ARHGEF7: variants seen among roughly 807,000 people sequenced by gnomAD.
ARHGEF7 encodes Rho guanine nucleotide exchange factor 7, also known as PAK-interacting exchange factor beta.
In ARHGEF7, 33 loss-of-function variants were observed where a neutral mutation model predicts 109.8. That is an observed-to-expected ratio of 0.30 (90% CI 0.23 to 0.40). ARHGEF7 has a LOEUF of 0.40. Among genes scored for constraint, ARHGEF7 ranks in the 10% least tolerant of loss-of-function variants. The pLI, the probability that ARHGEF7 is intolerant of heterozygous loss-of-function variation, is 1.00. For missense variants in ARHGEF7, 938 were observed against 1,098.5 expected (o/e 0.85, Z 2.07); for synonymous variants, 458 against 424.6 (o/e 1.08, Z -0.97).
At chr13:111,284,008 G>A (rs1310474558) in intron 16 of ARHGEF7, among the ~76,000 whole-genome samples, 3 of 152,184 alleles carry the variant, frequency 2.0e-5, no homozygotes, top group African/African-American at 7.2e-5. Flanking sequence ...CTTGGATGAG[G>A]AAAGGAAGTG....
intron 8 of ARHGEF7, among the ~76,000 whole-genome samples, chr13:111,262,508 T>TGCTG (rs1237403839): frequency 1.3e-5 from 2 of 152,200 alleles, no homozygotes; most frequent in African/African-American, 2.4e-5. Flanking sequence ...CACGACAGGC[T>TGCTG]GCTGGGTTCC....
intron 2 of ARHGEF7, among the ~76,000 whole-genome samples, chr13:111,189,707 C>G (rs1229801832): frequency 1.3e-5 from 2 of 152,196 alleles, no homozygotes; most frequent in African/African-American, 4.8e-5. Context: ...CTGATTGGTC[C>G]ATTTTACAGA....
At chr13:111,242,274 A>G (rs375144485) in intron 6 of ARHGEF7, among the ~76,000 whole-genome samples, 1 of 152,166 alleles carries the variant, frequency 6.6e-6, no homozygotes, top group South Asian at 2.1e-4. Flanking sequence ...TTTACTCAGG[A>G]ATGACTGTAT....
intron 2 of ARHGEF7, among the ~76,000 whole-genome samples, chr13:111,200,983 G>T (rs538178181): frequency 3.9e-5 from 6 of 152,234 alleles, no homozygotes; most frequent in African/African-American, 1.4e-4. Context: ...TGGCTCGGGG[G>T]GGATTTCCCT....
At chr13:111,124,921 G>A (rs1032441569) in intron 1 of ARHGEF7, among the ~76,000 whole-genome samples, 5 of 152,064 alleles carry the variant, frequency 3.3e-5, no homozygotes, top group Non-Finnish European at 7.4e-5. Context: ...CACCATGCCC[G>A]GCTAATTTTT....
At chr13:111,225,084 C>G (rs1283219339) in intron 5 of ARHGEF7, among the ~76,000 whole-genome samples, 1 of 152,000 alleles carries the variant, frequency 6.6e-6, no homozygotes, top group Admixed American at 6.6e-5. Context: ...GAATATTTTC[C>G]TAGATTGGTA....
At chr13:111,213,030 C>T (rs2082683927) in intron 4 of ARHGEF7, among the ~76,000 whole-genome samples, 1 of 152,182 alleles carries the variant, frequency 6.6e-6, no homozygotes, top group Admixed American at 6.5e-5. Flanking sequence ...AGCATTTCTC[C>T]TTCTGTAAAG....
intron 8 of ARHGEF7, among the ~76,000 whole-genome samples, chr13:111,264,004 G>A (rs2082269928): frequency 6.6e-6 from 1 of 152,172 alleles, no homozygotes. Flanking sequence ...ATTTGAGTCA[G>A]TGACTACCCT....
intron 21 of ARHGEF7, among the ~76,000 whole-genome samples, chr13:111,302,005 CT>C (rs368459031): frequency 1.3e-4 from 19 of 150,462 alleles, no homozygotes; most frequent in African/African-American, 3.2e-4. Context: ...TGTTTAAACT[CT>C]TTTTTTTTTC....
intron 4 of ARHGEF7, among the ~76,000 whole-genome samples, chr13:111,213,853 T>C (rs758015892): frequency 6.6e-6 from 1 of 152,190 alleles, no homozygotes; most frequent in Non-Finnish European, 1.5e-5. Context: ...CGTGGTAGTA[T>C]AGAGTGTGTA....
chr13:111,162,412 T>TTATC (rs1566670709), intron 2 of ARHGEF7, among the ~76,000 whole-genome samples: 2 of 152,210 alleles, frequency 1.3e-5, no homozygotes, highest in Admixed American at 1.3e-4. Flanking sequence ...ATTTGCAGTG[T>TTATC]TATCAGCTGT....
intron 1 of ARHGEF7, among the ~76,000 whole-genome samples, chr13:111,119,067 G>A (rs2066995505): frequency 6.6e-6 from 1 of 152,196 alleles, no homozygotes; most frequent in African/African-American, 2.4e-5. Flanking sequence ...GCTCCAAGGA[G>A]GGGTCTGTCC....
At chr13:111,200,221 C>T (rs1187805794) in intron 2 of ARHGEF7, among the ~76,000 whole-genome samples, 2 of 152,114 alleles carry the variant, frequency 1.3e-5, no homozygotes. Context: ...CCTGCTGCAT[C>T]CTTCATTTTC....
intron 15 of ARHGEF7, chr13:111,280,975 T>C: frequency 3.9e-6 from 1 of 253,852 alleles, no homozygotes; most frequent in East Asian, 7.1e-5. Context: ...TAGGGGAGTT[T>C]TACACTCAAC....
At chr13:111,296,843 T>C (rs1595620182) in intron 19 of ARHGEF7, among the ~76,000 whole-genome samples, 1 of 152,186 alleles carries the variant, frequency 6.6e-6, no homozygotes, top group East Asian at 1.9e-4. Flanking sequence ...CCCGAAACGA[T>C]GTGTTGTGGA....
intron 8 of ARHGEF7, among the ~76,000 whole-genome samples, chr13:111,260,752 A>G (rs147540697): frequency 3.0e-4 from 45 of 152,342 alleles, no homozygotes; most frequent in African/African-American, 1.0e-3. Flanking sequence ...CTTGAGTAGA[A>G]AGGTTAAAAG....
intron 2 of ARHGEF7, among the ~76,000 whole-genome samples, chr13:111,167,991 G>A (rs2153408105): frequency 6.6e-6 from 1 of 152,340 alleles, no homozygotes; most frequent in African/African-American, 2.4e-5. Context: ...ACAGTGTGGA[G>A]TTATGGCAGG....
chr13:111,131,049 A>G lies in ARHGEF7; in HGVS notation c.165+15358A>G, dbSNP rs978631060. On this transcript the variant is annotated intron_variant, in intron 1 of 21. Transcript: ENST00000646102. The surrounding 1 kb of genome is among the most constrained non-coding windows in gnomAD (Gnocchi z 4.4). ...TTTGCAAAGGTTTTGATACTTTTCAAATTTTTAAGGGAAGAATGATATGAT... is the reference window on the plus strand; with the variant it reads ...TTTGCAAAGGTTTTGATACTTTTCAGATTTTTAAGGGAAGAATGATATGAT... Among the ~76,000 whole-genome samples, 5 of 152,240 alleles carry G rather than the reference A, an allele frequency of 3.3e-5. No individual in the cohort carries two copies. Among genetic ancestry groups the G allele is most frequent in the African/African-American group, 4.8e-5 (2 of 41,472 alleles).
chr13:111,242,328 C>T lies in ARHGEF7; in HGVS notation c.760-1544C>T, dbSNP rs990167262. Among the ~76,000 whole-genome samples, 15 of 152,242 alleles carry T rather than the reference C, an allele frequency of 9.9e-5. No individual in the cohort carries two copies. In the East Asian group the frequency reaches 2.5e-3, roughly 25 times the overall value. On this transcript the variant is annotated intron_variant, in intron 6 of 21. Transcript: ENST00000646102. ...AGTCAACAGTAGGCAAACAGAGTAACGACCCGGGTTGTCTTTACTAAGGCT... is the reference window on the plus strand; with the variant it reads ...AGTCAACAGTAGGCAAACAGAGTAATGACCCGGGTTGTCTTTACTAAGGCT...
Sources: allele counts gnomAD v4.1 joint callset (sites outside exome capture counted in the v4.1 genomes callset), GRCh38; gene constraint gnomAD v4.1.1; non-coding constraint Gnocchi (gnomAD v3.1); transcripts MANE v1.5; gene names NCBI Gene and HGNC (gene_info 2026-07-23, HGNC 2026-07-21).